The following CSMD1 variants were observed in gnomAD, a reference collection of about 807,000 sequenced individuals.
CSMD1 encodes the protein CUB and Sushi multiple domains 1, also known as CUB and sushi domain-containing protein 1.
Under a neutral mutation model 417.5 loss-of-function variants are expected in CSMD1, and 213 were observed. That is an observed-to-expected ratio of 0.51 (90% CI 0.46 to 0.57). CSMD1 has a LOEUF of 0.57. Ranked by LOEUF, CSMD1 falls within the 20% of genes least tolerant of loss-of-function variation. The probability of loss-of-function intolerance (pLI) is 0.00; values close to 1 mark genes in which losing one functional copy is unlikely to be tolerated. For missense variants in CSMD1, 6,923 were observed against 4,529.7 expected (o/e 1.53, Z -15.17); for synonymous variants, 2,862 against 1,736.8 (o/e 1.65, Z -16.11).
At chr8:3,363,562 G>A (rs1390962482) in intron 20 of CSMD1, among the ~76,000 whole-genome samples, 2 of 151,910 alleles carry the variant, frequency 1.3e-5, no homozygotes, top group Non-Finnish European at 2.9e-5. Flanking sequence ...GAGTCTCGCT[G>A]TATTGCCGAG....
intron 5 of CSMD1, among the ~76,000 whole-genome samples, chr8:3,754,452 A>ATTTT (rs1797541651): frequency 6.6e-6 from 1 of 151,048 alleles, no homozygotes; most frequent in Non-Finnish European, 1.5e-5. Flanking sequence ...TTATTTATTT[A>ATTTT]TTTATTTATT....
At chr8:4,355,252 T>C (rs907060627) in intron 3 of CSMD1, among the ~76,000 whole-genome samples, 2 of 151,520 alleles carry the variant, frequency 1.3e-5, no homozygotes, top group African/African-American at 4.9e-5. Context: ...AGAAACTCCA[T>C]TTCAAATAAA....
rs1401523494 is a variant in CSMD1 at position 2,937,973 on chromosome 8, C to G, written c.*612G>C. On this transcript the variant is annotated 3_prime_UTR_variant, in exon 70 of 70. Transcript: ENST00000635120. ...AAACATTCTGCGACAGAACAGCTGA[C>G]TGGGAAATTGCAAACATCCCTAGAG... is the stretch of plus-strand genomic sequence containing the variant. The G allele has an allele frequency of 6.6e-6, 1 of 152,654 alleles. No individual in the cohort carries two copies. Among genetic ancestry groups the G allele is most frequent in the African/African-American group, 2.4e-5 (1 of 41,446 alleles). 9.5% of individuals were successfully genotyped at this position (152,654 alleles called of 1,614,324 possible). A position where few individuals can be genotyped will look rare whatever the true frequency, so the allele number is the denominator to read the frequency against.
At chr8:4,122,845 G>C (rs910343781) in intron 3 of CSMD1, among the ~76,000 whole-genome samples, 2 of 152,268 alleles carry the variant, frequency 1.3e-5, no homozygotes, top group East Asian at 1.9e-4. Flanking sequence ...AGTTCACAGA[G>C]AACAGAAACT....
chr8:4,053,895 A>T (rs1368892194), intron 3 of CSMD1, among the ~76,000 whole-genome samples: 2 of 152,232 alleles, frequency 1.3e-5, no homozygotes, highest in African/African-American at 4.8e-5. Context: ...TAATTATCAT[A>T]AATAATAATT....
chr8:4,929,889 T>A (rs1807131958), intron 1 of CSMD1, among the ~76,000 whole-genome samples: 1 of 152,176 alleles, frequency 6.6e-6, no homozygotes, highest in Non-Finnish European at 1.5e-5. Context: ...ACAGAATCAG[T>A]AGATTCTCCA....
chr8:4,562,227 C>T (rs924617489), intron 2 of CSMD1, among the ~76,000 whole-genome samples: 1 of 152,008 alleles, frequency 6.6e-6, no homozygotes, highest in Non-Finnish European at 1.5e-5. Flanking sequence ...GAAGAAACGA[C>T]ACACCGGTGT....
intron 3 of CSMD1, among the ~76,000 whole-genome samples, chr8:4,083,879 G>A (rs1007503103): frequency 5.9e-5 from 9 of 152,136 alleles, no homozygotes; most frequent in African/African-American, 2.2e-4. Context: ...CACAGCAAAA[G>A]AAACTACCAC....
chr8:4,300,935 T>C (rs190566651), intron 3 of CSMD1, among the ~76,000 whole-genome samples: 10 of 152,306 alleles, frequency 6.6e-5, no homozygotes, highest in African/African-American at 2.4e-4. Flanking sequence ...AGACTATCGT[T>C]GTTGGACATT....
At position 3,108,730 on chromosome 8, in the gene CSMD1, G is replaced by C. The variant is rs745738253; in HGVS notation, c.6627C>G (p.Asn2209Lys). The change falls in exon 44 of 70, where the codon AAC (asparagine) becomes AAG (lysine). Residue 2209 changes from asparagine (N) to lysine (K), a missense_variant. Coordinates refer to ENST00000635120, the MANE Select transcript of CSMD1 (RefSeq NM_033225.6). ...CACTGAAAACTCCCAGCTGGGGTGA[G>C]TTCTGATCGGGACCGTCCCTAGGAA... is the stretch of plus-strand genomic sequence containing the variant. ...YIAVWDGPDQ[N>K]SPQLGVFSGN... 1 of 1,613,200 alleles carries C rather than the reference G, an allele frequency of 6.2e-7. No homozygotes were observed.
At chr8:3,842,971 C>T (rs1023181538) in intron 5 of CSMD1, among the ~76,000 whole-genome samples, 3 of 152,128 alleles carry the variant, frequency 2.0e-5, no homozygotes, top group Admixed American at 1.3e-4. Context: ...TTAGCTCACT[C>T]AATTGTTTAG....
chr8:4,790,395 G>C (rs887357591), intron 1 of CSMD1, among the ~76,000 whole-genome samples: 2 of 151,974 alleles, frequency 1.3e-5, no homozygotes, highest in African/African-American at 4.8e-5. Context: ...AAAATAAATA[G>C]CCATACTTCC....
At chr8:3,331,986 T>C (rs1026398539) in intron 23 of CSMD1, among the ~76,000 whole-genome samples, 7 of 152,156 alleles carry the variant, frequency 4.6e-5, no homozygotes, top group Admixed American at 1.3e-4. Flanking sequence ...TGATAGATAA[T>C]TGCCTCGTCA....
At chr8:4,570,983 G>T (rs375003017) in intron 2 of CSMD1, among the ~76,000 whole-genome samples, 1 of 152,174 alleles carries the variant, frequency 6.6e-6, no homozygotes, top group African/African-American at 2.4e-5. Context: ...GGGATTGGTG[G>T]TGATATCCCT....
chr8:4,988,976 T>C (rs1811323255), intron 1 of CSMD1, among the ~76,000 whole-genome samples: 2 of 152,220 alleles, frequency 1.3e-5, no homozygotes, highest in African/African-American at 4.8e-5. Context: ...AGGACTAAAG[T>C]CCATCCAAAA....
At chr8:3,618,241 G>A (rs1342385132) in intron 7 of CSMD1, among the ~76,000 whole-genome samples, 4 of 152,156 alleles carry the variant, frequency 2.6e-5, no homozygotes, top group African/African-American at 7.2e-5. Flanking sequence ...CCTGGCTCAA[G>A]TGACACTCGC....
rs140269191 is a variant in CSMD1 at position 4,351,614 on chromosome 8, T to C, written c.415+68339A>G. ...TCCTGAAAGAGACTTCAACTTGTTG[T>C]GGGAGTGAGAAAGGAGATGAGGGAG... On this transcript the variant is annotated intron_variant, in intron 3 of 69. Transcript: ENST00000635120. Among the ~76,000 whole-genome samples the C allele has an allele frequency of 1.7e-4, 26 of 152,214 alleles. No homozygotes were observed. In the East Asian group the frequency reaches 5.0e-3, roughly 29 times the overall value.
intron 3 of CSMD1, among the ~76,000 whole-genome samples, chr8:4,075,292 T>C (rs541000473): frequency 6.6e-6 from 1 of 152,296 alleles, no homozygotes; most frequent in East Asian, 1.9e-4. Context: ...TGTTGATATA[T>C]GTTTATGTAA....
At chr8:4,235,019 T>G (rs1378418464) in intron 3 of CSMD1, among the ~76,000 whole-genome samples, 2 of 152,218 alleles carry the variant, frequency 1.3e-5, no homozygotes, top group Non-Finnish European at 2.9e-5. Context: ...ATCGTATTGG[T>G]GGGAGTTAAG....
Sources: gnomAD v4.1 joint callset for allele counts (sites outside exome capture counted in the v4.1 genomes callset) on GRCh38, gnomAD v4.1.1 for gene constraint, MANE v1.5 for transcripts, NCBI Gene and HGNC (gene_info 2026-07-23, HGNC 2026-07-21) for gene names.